Variants in TMOD3 observed in about 807,000 individuals in gnomAD.
The protein encoded by TMOD3 is tropomodulin 3.
TMOD3 carries 20 observed loss-of-function variants against 39.2 expected under a neutral mutation model. That is an observed-to-expected ratio of 0.51 (90% CI 0.36 to 0.74). The LOEUF (loss-of-function observed/expected upper bound fraction) is 0.74. TMOD3 is among the 30% of genes least tolerant of loss of function. TMOD3 has a pLI of 0.00. For missense variants in TMOD3, 381 were observed against 412.8 expected (o/e 0.92, Z 0.67); for synonymous variants, 143 against 145.8 (o/e 0.98, Z 0.14).
chr15:51,852,727 G>C (rs1003201806), intron 1 of TMOD3, among the ~76,000 whole-genome samples: 1 of 152,200 alleles, frequency 6.6e-6, no homozygotes, highest in African/African-American at 2.4e-5. Flanking sequence ...AGATTGATGT[G>C]TGATCCAAGT....
At position 51,857,270 on chromosome 15, in the gene TMOD3, T is replaced by C. The variant is rs563892831; in HGVS notation, c.-74-5541T>C. Among the ~76,000 whole-genome samples the C allele has an allele frequency of 1.0e-3, 152 of 152,364 alleles. No individual in the cohort carries two copies. In the Middle Eastern group the frequency reaches 0.048, roughly 48 times the overall value. On this transcript the variant is annotated intron_variant, in intron 1 of 9. Transcript: ENST00000308580. Reference sequence around the variant, plus strand: ...ATTCAAAATCTGGTAGAGTGGCTACTTTTGGAAGAGGAGATGCAACTAGAG... The same window carrying C: ...ATTCAAAATCTGGTAGAGTGGCTACCTTTGGAAGAGGAGATGCAACTAGAG...
rs1385713969 is a variant in TMOD3, at chr15:51,902,046, A to G, written c.1024+10A>G. On this transcript the variant is annotated intron_variant, in intron 9 of 9. Coordinates refer to ENST00000308580, the MANE Select transcript of TMOD3 (RefSeq NM_014547.5). ...AAAAACAATGACTTAGGTAAGACAT[A>G]GTATCGATCAAGTTTCTGAGTTCTA... 6.2e-7 allele frequency: 1 copy of G among 1,612,158 alleles called. No individual in the cohort carries two copies. Among genetic ancestry groups the G allele is most frequent in the African/African-American group, 1.3e-5 (1 of 74,814 alleles).
intron 1 of TMOD3, among the ~76,000 whole-genome samples, chr15:51,835,569 A>G (rs1426257640): frequency 6.6e-6 from 1 of 152,146 alleles, no homozygotes; most frequent in Non-Finnish European, 1.5e-5. Context: ...TTGGCATCCC[A>G]AAGTGCTGGG....
rs2056717599 is a variant in TMOD3 at position 51,912,691 on chromosome 15, A to C, written c.*3881A>C. The C allele has an allele frequency of 6.6e-6, 1 of 152,162 alleles. No homozygotes were observed. Among genetic ancestry groups the C allele is most frequent in the African/African-American group, 2.4e-5 (1 of 41,436 alleles). 9.4% of individuals were successfully genotyped at this position (152,162 alleles called of 1,614,324 possible). ...ATTCTTTGCAAGTTTAGTACTGCCC[A>C]AATTTACTCATTCTACAGTGTTACT... On this transcript the variant is annotated 3_prime_UTR_variant, in exon 10 of 10. Coordinates refer to ENST00000308580, the MANE Select transcript of TMOD3 (RefSeq NM_014547.5).
At chr15:51,893,580 A>G (rs1332019137) in intron 5 of TMOD3, among the ~76,000 whole-genome samples, 2 of 152,084 alleles carry the variant, frequency 1.3e-5, no homozygotes, top group African/African-American at 2.4e-5. Flanking sequence ...CCTGGCTAAC[A>G]TGGTGAAACC....
chr15:51,855,838 A>G (rs2056385010), intron 1 of TMOD3, among the ~76,000 whole-genome samples: 1 of 152,246 alleles, frequency 6.6e-6, no homozygotes, highest in Admixed American at 6.5e-5. Context: ...CTTCCTAAGC[A>G]GTTTCTGAGC....
intron 1 of TMOD3, among the ~76,000 whole-genome samples, chr15:51,836,831 A>G (rs978778107): frequency 2.6e-5 from 4 of 152,132 alleles, no homozygotes; most frequent in African/African-American, 9.7e-5. Context: ...TGCCTCGGGT[A>G]TATATGTTCA....
At position 51,915,283 on chromosome 15, in the gene TMOD3, G is replaced by A. The variant is rs1277517128; in HGVS notation, c.*6473G>A. 2.0e-5 allele frequency: 3 copies of A among 151,450 alleles called. No homozygotes were observed. Among genetic ancestry groups the A allele is most frequent in the Admixed American group, 6.6e-5 (1 of 15,228 alleles). The allele number at this position is 151,450 out of a possible 1,614,324, so 9.4% of individuals were successfully genotyped here. A position where few individuals can be genotyped will look rare whatever the true frequency, so the allele number is the denominator to read the frequency against. On this transcript the variant is annotated 3_prime_UTR_variant, in exon 10 of 10. Transcript: ENST00000308580. ...CAGAAAGATAAGCTTTTGATTCAGT[G>A]GTTTCAAATTTTCAGATCAATCCAT...
At chr15:51,842,733 G>A (rs2056318182) in intron 1 of TMOD3, among the ~76,000 whole-genome samples, 1 of 152,080 alleles carries the variant, frequency 6.6e-6, no homozygotes, top group Admixed American at 6.6e-5. Context: ...CCTAACTCCA[G>A]GAGTTACCAA....
At chr15:51,847,237 G>T (rs923706310) in intron 1 of TMOD3, among the ~76,000 whole-genome samples, 1 of 152,212 alleles carries the variant, frequency 6.6e-6, no homozygotes, top group Non-Finnish European at 1.5e-5. Context: ...GTAGTCCTCC[G>T]TGATCTGCTT....
At chr15:51,857,796 G>A (rs577288444) in intron 1 of TMOD3, among the ~76,000 whole-genome samples, 1 of 150,382 alleles carries the variant, frequency 6.6e-6, no homozygotes, top group Admixed American at 6.6e-5. Flanking sequence ...ATTATTCTTG[G>A]TACATATTTA....
chr15:51,874,288 AT>A (rs1363534019), intron 3 of TMOD3, among the ~76,000 whole-genome samples: 2 of 152,252 alleles, frequency 1.3e-5, no homozygotes, highest in Non-Finnish European at 2.9e-5. Flanking sequence ...TTGTGAAATG[AT>A]TATATGTTTT....
chr15:51,880,199 A>G (rs1000184533), intron 3 of TMOD3, among the ~76,000 whole-genome samples: 5 of 152,178 alleles, frequency 3.3e-5, no homozygotes, highest in African/African-American at 9.6e-5. Context: ...ATCTGGCTCA[A>G]TTTGTCTCAG....
Position 51,901,601 on chromosome 15 carries a change from G to C in TMOD3, c.880-291G>C, listed in dbSNP as rs537191592. ...TGTGTGTGTGTGTGTGTGTGTGTGT[G>C]TGTGTGTGTGTATAAAGTTCCAGTG... On this transcript the variant is annotated intron_variant, in intron 8 of 9. Transcript: ENST00000308580. 14 of 361,152 alleles carry C rather than the reference G, an allele frequency of 3.9e-5. No individual in the cohort carries two copies. In the East Asian group the frequency reaches 8.3e-4, roughly 21 times the overall value. 22.4% of individuals were successfully genotyped at this position (361,152 alleles called of 1,614,324 possible).
chr15:51,885,853 C>G (rs552186613), intron 3 of TMOD3, among the ~76,000 whole-genome samples: 148 of 151,278 alleles, frequency 9.8e-4, no homozygotes, highest in Non-Finnish European at 1.6e-3. Context: ...CCCCACTTCC[C>G]AGACGGGGCG....
chr15:51,878,907 A>G (rs1182078411), intron 3 of TMOD3, among the ~76,000 whole-genome samples: 1 of 152,220 alleles, frequency 6.6e-6, no homozygotes, highest in Non-Finnish European at 1.5e-5. Flanking sequence ...TGAAGTAACC[A>G]AGAGCCACCT....
At chr15:51,859,297 CA>C in intron 1 of TMOD3, 1 of 732,588 alleles carries the variant, frequency 1.4e-6, no homozygotes, top group Non-Finnish European at 2.6e-6. Flanking sequence ...TCAGGTCTAC[CA>C]AGGGGGTGGT....
At position 51,912,495 on chromosome 15, in the gene TMOD3, C is replaced by A. The variant is rs537661461; in HGVS notation, c.*3685C>A. ...ATCATATTGTACGTTATATTTAACT[C>A]TTGCTGTCATTAAAATAAGATGACA... is the stretch of plus-strand genomic sequence containing the variant. On this transcript the variant is annotated 3_prime_UTR_variant, in exon 10 of 10. Coordinates refer to ENST00000308580, the MANE Select transcript of TMOD3 (RefSeq NM_014547.5). The A allele has an allele frequency of 6.6e-6, 1 of 150,378 alleles. No homozygotes were observed. The highest frequency in any genetic ancestry group is 1.5e-5 in the Non-Finnish European group (1 of 67,642). The allele number at this position is 150,378 out of a possible 1,614,324, so 9.3% of individuals were successfully genotyped here.
At chr15:51,840,201 C>G (rs1244802775) in intron 1 of TMOD3, among the ~76,000 whole-genome samples, 2 of 152,156 alleles carry the variant, frequency 1.3e-5, no homozygotes, top group Admixed American at 6.5e-5. Flanking sequence ...TAGCACCTCT[C>G]TTCTATTGTT....
Sources: allele counts gnomAD v4.1 joint callset (sites outside exome capture counted in the v4.1 genomes callset), GRCh38; gene constraint gnomAD v4.1.1; transcripts MANE v1.5; gene names NCBI Gene and HGNC (gene_info 2026-07-23, HGNC 2026-07-21).